Variants in ROBO2 observed in about 807,000 individuals in gnomAD.
ROBO2 encodes roundabout guidance receptor 2, also known as roundabout homolog 2.
ROBO2 carries 53 observed loss-of-function variants against 160.8 expected under a neutral mutation model. The ratio of observed to expected loss-of-function variants is 0.33; its 90% CI spans 0.26 to 0.41. The LOEUF is 0.41. Among genes scored for constraint, ROBO2 ranks in the 10% least tolerant of loss-of-function variants. The pLI is 1.00. For synonymous variants in ROBO2, 664 were observed against 611.7 expected, an observed-to-expected ratio of 1.09 and a Z score of -1.26; for missense variants, 1,577 against 1,722.4, an observed-to-expected ratio of 0.92 and a Z score of 1.49.
intron 2 of ROBO2, among the ~76,000 whole-genome samples, chr3:76,567,740 G>GTT (rs1483091479): frequency 9.3e-3 from 125 of 13,512 alleles, no homozygotes; most frequent in African/African-American, 0.017. Context: ...TATATATACT[G>GTT]TTTTATATAT....
intron 2 of ROBO2, among the ~76,000 whole-genome samples, chr3:77,191,902 G>A (rs1433060382): frequency 1.3e-5 from 2 of 152,052 alleles, no homozygotes; most frequent in African/African-American, 4.8e-5. Context: ...GTATACTGGC[G>A]AGAGAACGAT....
intron 2 of ROBO2, among the ~76,000 whole-genome samples, chr3:77,129,376 A>G (rs1216368493): frequency 6.6e-6 from 1 of 152,192 alleles, no homozygotes; most frequent in African/African-American, 2.4e-5. Flanking sequence ...TATTAATCAA[A>G]ATAGGAACTA....
intron 2 of ROBO2, among the ~76,000 whole-genome samples, chr3:76,040,705 C>T (rs952808720): frequency 1.3e-5 from 2 of 152,050 alleles, no homozygotes; most frequent in East Asian, 1.9e-4. Context: ...AACTCACTCT[C>T]TGCTGGGCAT....
intron 5 of ROBO2, among the ~76,000 whole-genome samples, chr3:77,514,554 T>G (rs778791566): frequency 4.6e-5 from 7 of 151,820 alleles, no homozygotes; most frequent in Non-Finnish European, 1.0e-4. Flanking sequence ...CTTCATAACT[T>G]GAGAGAACAA....
intron 2 of ROBO2, among the ~76,000 whole-genome samples, chr3:75,961,445 C>G (rs534172456): frequency 6.6e-6 from 1 of 151,494 alleles, no homozygotes; most frequent in Non-Finnish European, 1.5e-5. Flanking sequence ...TAATTGAGTC[C>G]GGTTTCTTCT....
At chr3:77,353,985 C>T (rs1471420564) in intron 2 of ROBO2, among the ~76,000 whole-genome samples, 3 of 152,144 alleles carry the variant, frequency 2.0e-5, no homozygotes, top group African/African-American at 7.2e-5. Flanking sequence ...CAACTCCATA[C>T]CCTGAATTGT....
chr3:76,067,493 A>G (rs1275922395), intron 2 of ROBO2, among the ~76,000 whole-genome samples: 5 of 88,438 alleles, frequency 5.7e-5, no homozygotes, highest in Non-Finnish European at 1.1e-4. Context: ...GAGCCTTGGA[A>G]TTGTTTAAAA....
At chr3:76,572,945 C>G (rs1325690221) in intron 2 of ROBO2, among the ~76,000 whole-genome samples, 1 of 152,198 alleles carries the variant, frequency 6.6e-6, no homozygotes, top group Non-Finnish European at 1.5e-5. Flanking sequence ...TTGCTACTGA[C>G]AGCATAAACT....
At chr3:76,181,304 G>A (rs1193588968) in intron 2 of ROBO2, among the ~76,000 whole-genome samples, 3 of 152,068 alleles carry the variant, frequency 2.0e-5, no homozygotes, top group Non-Finnish European at 2.9e-5. Context: ...ATTTGTTAAT[G>A]TTGGATTAAT....
intron 2 of ROBO2, among the ~76,000 whole-genome samples, chr3:76,939,228 CT>C (rs1234448811): frequency 6.6e-6 from 1 of 152,130 alleles, no homozygotes; most frequent in Non-Finnish European, 1.5e-5. Context: ...AATATGTTTA[CT>C]TTTCCACTCA....
intron 2 of ROBO2, among the ~76,000 whole-genome samples, chr3:76,082,846 A>G (rs2068878699): frequency 6.6e-6 from 1 of 152,136 alleles, no homozygotes; most frequent in African/African-American, 2.4e-5. Flanking sequence ...GCTACTCAGT[A>G]AATATTTTGT....
At chr3:76,120,846 TGTA>T (rs1322587464) in intron 2 of ROBO2, among the ~76,000 whole-genome samples, 1 of 152,194 alleles carries the variant, frequency 6.6e-6, no homozygotes, top group Non-Finnish European at 1.5e-5. Context: ...TGTAAGGTAT[TGTA>T]GTATAAGAGT....
chr3:76,217,764 A>G (rs1416591258), intron 2 of ROBO2, among the ~76,000 whole-genome samples: 1 of 152,158 alleles, frequency 6.6e-6, no homozygotes, highest in Non-Finnish European at 1.5e-5. Flanking sequence ...TCCTTCTGAA[A>G]CTATTCCAAT....
chr3:77,001,806 CA>C (rs147455398), intron 2 of ROBO2, among the ~76,000 whole-genome samples: 26,841 of 151,784 alleles, frequency 0.18, 2,392 homozygotes, highest in Non-Finnish European at 0.19. Context: ...ATTTTTGCTC[CA>C]AAAAACTTTC....
rs569777878 is a variant in ROBO2 at position 77,019,039 on chromosome 3, T to C, written c.110-78975T>C. Among the ~76,000 whole-genome samples the C allele has an allele frequency of 3.3e-5, 5 of 152,254 alleles. No homozygotes were observed. The South Asian group carries it at 8.3e-4, about 25-fold the overall frequency. ...GGGCAACAAGAGCATCCTTCCAAAT[T>C]AGAGCATCTTTCTTCTATGAAGGAT... On this transcript the variant is annotated intron_variant, in intron 2 of 26. Coordinates refer to the ROBO2 transcript ENST00000487694.
intron 2 of ROBO2, among the ~76,000 whole-genome samples, chr3:76,021,267 T>C (rs918363625): frequency 6.6e-6 from 1 of 151,806 alleles, no homozygotes; most frequent in African/African-American, 2.4e-5. Context: ...ATAGAAGCAA[T>C]ACATTTGTCT....
intron 2 of ROBO2, among the ~76,000 whole-genome samples, chr3:76,648,445 A>G (rs1170667091): frequency 6.6e-6 from 1 of 152,162 alleles, no homozygotes; most frequent in Non-Finnish European, 1.5e-5. Flanking sequence ...TCTTTGATTC[A>G]ATCTTGGATC....
chr3:76,114,345 A>AT (rs2070369915), intron 2 of ROBO2, among the ~76,000 whole-genome samples: 1 of 152,114 alleles, frequency 6.6e-6, no homozygotes, highest in Non-Finnish European at 1.5e-5. Flanking sequence ...AATGGAATAA[A>AT]TTGATTCTAT....
At chr3:76,665,268 T>C (rs1005601677) in intron 2 of ROBO2, among the ~76,000 whole-genome samples, 1 of 152,126 alleles carries the variant, frequency 6.6e-6, no homozygotes, top group Non-Finnish European at 1.5e-5. Flanking sequence ...ACAAAAAATA[T>C]TTCATATATG....
Sources: allele counts gnomAD v4.1 joint callset (sites outside exome capture counted in the v4.1 genomes callset), GRCh38; gene constraint gnomAD v4.1.1; transcripts MANE v1.5; gene names NCBI Gene and HGNC (gene_info 2026-07-23, HGNC 2026-07-21).